The following ERCC6L2 variants were observed in gnomAD, a reference collection of about 807,000 sequenced individuals.
The protein encoded by ERCC6L2 is DNA excision repair protein ERCC-6-like 2.
ERCC6L2 carries 77 observed loss-of-function variants against 132.0 expected under a neutral mutation model. That is an observed-to-expected ratio of 0.58 (90% confidence interval 0.49 to 0.71). The LOEUF is 0.71. Ranked by LOEUF, ERCC6L2 falls within the 30% of genes least tolerant of loss-of-function variation. The pLI is 0.00. For synonymous variants in ERCC6L2, 583 were observed against 632.4 expected (o/e 0.92, Z 1.17); for missense variants, 1,542 against 1,837.6 (o/e 0.84, Z 2.94).
At chr9:95,991,859 C>T (rs1362575646) in intron 17 of ERCC6L2, among the ~76,000 whole-genome samples, 1 of 152,130 alleles carries the variant, frequency 6.6e-6, no homozygotes, top group African/African-American at 2.4e-5. Context: ...GTTCAAGATA[C>T]ACCAATGAAT....
rs1048438126 is a variant in ERCC6L2 at position 95,925,256 on chromosome 9, C to T, written c.1533+1877C>T. 3.4e-4 allele frequency among the ~76,000 whole-genome samples: 52 copies of T among 152,156 alleles called. 1 individual carries two copies. The highest frequency in any genetic ancestry group is 1.6e-3 in the Admixed American group (24 of 15,268). On this transcript the variant is annotated intron_variant, in intron 9 of 18. Transcript: ENST00000653738. ...CAAGGGGTTAGTCACAAGTTGCAAT[C>T]ATTCACCTGATGAAAATCTTCACTT...
intron 11 of ERCC6L2, among the ~76,000 whole-genome samples, chr9:95,938,241 T>C (rs1398004588): frequency 2.0e-5 from 3 of 152,096 alleles, no homozygotes; most frequent in Non-Finnish European, 4.4e-5. Flanking sequence ...TCAGTTCTTT[T>C]AAATTTGTTG....
In ERCC6L2 at chr9:95,923,371, A is replaced by T; in HGVS notation, c.1525A>T (p.Lys509Ter). The change falls in exon 9 of 19, where the codon AAA (lysine) becomes TAA (stop). Residue 509 changes from lysine to a stop codon, truncating the protein, a stop_gained. Coordinates refer to ENST00000653738, the MANE Select transcript of ERCC6L2 (RefSeq NM_020207.7). LOFTEE classifies it high-confidence loss of function. ...ETLSDPKYSGKMKVLQQLLNH... is the reference protein window; with the variant it reads ...ETLSDPKYSG ...ACTTTCTGACCCTAAATACAGTGGA[A>T]AAATGAAGGTAAGTGCTCCTCTTTC... 6.2e-7 allele frequency: 1 copy of T among 1,613,268 alleles called. No individual in the cohort carries two copies. Among genetic ancestry groups the T allele is most frequent in the Non-Finnish European group, 8.5e-7 (1 of 1,179,512 alleles).
chr9:96,003,103 T>A (rs938637784), intron 17 of ERCC6L2, among the ~76,000 whole-genome samples: 6 of 152,192 alleles, frequency 3.9e-5, no homozygotes, highest in African/African-American at 1.4e-4. Context: ...TGCTATGTGT[T>A]TATTCATTCA....
intron 16 of ERCC6L2, among the ~76,000 whole-genome samples, 166 bp from the exon 17 acceptor site, chr9:95,977,895 A>G (rs1832733811): frequency 6.6e-6 from 1 of 152,170 alleles, no homozygotes; most frequent in Admixed American, 6.6e-5. Context: ...TTTCCAAGGT[A>G]ACCCAGACTA....
intron 3 of ERCC6L2, among the ~76,000 whole-genome samples, chr9:95,899,856 T>G (rs890146475): frequency 1.3e-5 from 2 of 152,094 alleles, no homozygotes; most frequent in African/African-American, 4.8e-5. Context: ...ATAAATAGCT[T>G]TTATATTGTA....
intron 19 of ERCC6L2, among the ~76,000 whole-genome samples, chr9:96,030,562 C>A (rs1834443773): frequency 6.6e-6 from 1 of 151,934 alleles, no homozygotes; most frequent in Non-Finnish European, 1.5e-5. Flanking sequence ...ATTAGCCGGG[C>A]GTGGTGGCGG....
intron 6 of ERCC6L2, 71 bp from the exon 7 acceptor site, chr9:95,921,104 G>C (rs975777975): frequency 1.5e-6 from 2 of 1,364,746 alleles, no homozygotes; most frequent in Admixed American, 2.1e-5. Context: ...TATGAAATCA[G>C]ATGTAGATTA....
At chr9:95,935,737 T>C (rs147583504) in intron 11 of ERCC6L2, among the ~76,000 whole-genome samples, 6 of 152,296 alleles carry the variant, frequency 3.9e-5, no homozygotes, top group African/African-American at 1.4e-4. Context: ...TGATACCAGC[T>C]GCAGAGACGG....
intron 13 of ERCC6L2, among the ~76,000 whole-genome samples, chr9:95,958,847 A>T (rs1831751655): frequency 6.6e-6 from 1 of 152,094 alleles, no homozygotes. Context: ...TTCAAGGAGA[A>T]CTGCAAACCA....
At chr9:95,899,410 C>T (rs1587865505) in intron 3 of ERCC6L2, among the ~76,000 whole-genome samples, 1 of 152,050 alleles carries the variant, frequency 6.6e-6, no homozygotes, top group Middle Eastern at 3.4e-3. Context: ...CATGTTTGCA[C>T]CACTGCACTC....
chr9:96,015,730 G>GA lies in ERCC6L2; in HGVS notation c.*2528dup, dbSNP rs2133237030. Among the ~76,000 whole-genome samples the GA allele has an allele frequency of 6.6e-6, 1 of 152,220 alleles. No individual in the cohort carries two copies. The highest frequency in any genetic ancestry group is 6.5e-5 in the Admixed American group (1 of 15,294). ...AGGCAGGAGAATGGCGTGAACCTGGGAGGCAGAGCTTGCAGTGAGCCAGGA... is the reference window on the plus strand; with the variant it reads ...AGGCAGGAGAATGGCGTGAACCTGGGAAGGCAGAGCTTGCAGTGAGCCAGGA... On this transcript the variant is annotated 3_prime_UTR_variant, in exon 19 of 19. Coordinates refer to ENST00000653738, the MANE Select transcript of ERCC6L2 (RefSeq NM_020207.7).
At chr9:95,963,147 CTG>C (rs34128119) in intron 13 of ERCC6L2, among the ~76,000 whole-genome samples, 42,471 of 148,332 alleles carry the variant, frequency 0.29, 6,455 homozygotes, top group East Asian at 0.38. Context: ...GTCATCTCGT[CTG>C]TGTGTGTGTG....
intron 2 of ERCC6L2, among the ~76,000 whole-genome samples, chr9:95,891,681 A>G (rs981716830): frequency 6.6e-6 from 1 of 151,572 alleles, no homozygotes; most frequent in Non-Finnish European, 1.5e-5. Context: ...CAGGTTTCCT[A>G]TGCCTCCACA....
intron 4 of ERCC6L2, among the ~76,000 whole-genome samples, chr9:95,907,853 ACACCCCCACACC>A (rs1829140230): frequency 2.0e-5 from 3 of 149,708 alleles, no homozygotes; most frequent in Admixed American, 6.7e-5. Context: ...ACACACACAC[ACACCCCCACACC>A]CACACACCCA....
At chr9:95,916,090 A>G in intron 5 of ERCC6L2, 137 bp from the exon 6 acceptor site, 1 of 878,676 alleles carries the variant, frequency 1.1e-6, no homozygotes, top group Non-Finnish European at 1.7e-6. Context: ...ACTGTCGTAA[A>G]GAAAGAACAT....
At chr9:95,983,723 T>G (rs573548323) in intron 17 of ERCC6L2, among the ~76,000 whole-genome samples, 74 of 152,312 alleles carry the variant, frequency 4.9e-4, no homozygotes, top group African/African-American at 1.7e-3. Context: ...AAAGCAAAAT[T>G]ACAGATTAAA....
At chr9:95,924,757 G>C (rs1830030905) in intron 9 of ERCC6L2, among the ~76,000 whole-genome samples, 1 of 152,052 alleles carries the variant, frequency 6.6e-6, no homozygotes, top group African/African-American at 2.4e-5. Context: ...GTCTGATTAA[G>C]AGAATGATTA....
chr9:95,944,812 A>G (rs1188439995), intron 12 of ERCC6L2, among the ~76,000 whole-genome samples: 2 of 152,076 alleles, frequency 1.3e-5, no homozygotes, highest in Non-Finnish European at 2.9e-5. Context: ...GAGCTGCAAA[A>G]CCAGCAAGTT....
Sources: gnomAD v4.1 joint callset for allele counts (sites outside exome capture counted in the v4.1 genomes callset) on GRCh38, gnomAD v4.1.1 for gene constraint, MANE v1.5 for transcripts, NCBI Gene and HGNC (gene_info 2026-07-23, HGNC 2026-07-21) for gene names.